IL2RB: variants seen among roughly 807,000 people sequenced by gnomAD.
The protein encoded by IL2RB is interleukin-2 receptor subunit beta.
In IL2RB, 17 loss-of-function variants were observed where a neutral mutation model predicts 44.2. The ratio of observed to expected loss-of-function variants is 0.38; its 90% CI spans 0.26 to 0.58. The LOEUF (loss-of-function observed/expected upper bound fraction) is 0.58, where lower values mean the gene tolerates loss of function less well. Among genes scored for constraint, IL2RB ranks in the 20% least tolerant of loss-of-function variants. The probability of loss-of-function intolerance (pLI) is 0.63; values close to 1 mark genes in which losing one functional copy is unlikely to be tolerated. For missense variants in IL2RB, 624 were observed against 685.5 expected (o/e 0.91, Z 1.00); for synonymous variants, 286 against 297.9 (o/e 0.96, Z 0.41).
At chr22:37,150,368 A>G (rs990897894), upstream of IL2RB, among the ~76,000 whole-genome samples, 1 of 151,030 alleles carries the variant, frequency 6.6e-6, no homozygotes, top group African/African-American at 2.4e-5. Context: ...TCTTTCCGAG[A>G]CTCCCATTTC....
At chr22:37,148,808 G>A (rs1401957120) in intron 1 of IL2RB, among the ~76,000 whole-genome samples, 1 of 152,106 alleles carries the variant, frequency 6.6e-6, no homozygotes, top group Non-Finnish European at 1.5e-5. Flanking sequence ...ACCTGGTCAG[G>A]TGCAGTTCGG....
At chr22:37,169,364 GTTCTGTTTACAGAGGGA>G (rs1314598708) in intron 1 of IL2RB, among the ~76,000 whole-genome samples, 17 of 150,486 alleles carry the variant, frequency 1.1e-4, no homozygotes, top group Admixed American at 7.9e-4. Context: ...TTACACAGGG[GTTCTGTTTACAGAGGGA>G]TTCTGTTTAC....
chr22:37,143,903 G>GTGTT (rs1428966906), intron 2 of IL2RB, among the ~76,000 whole-genome samples, 182 bp downstream of exon 2: 42 of 129,238 alleles, frequency 3.2e-4, no homozygotes, highest in Non-Finnish European at 9.5e-5. Context: ...GTGTGTGTGT[G>GTGTT]TGTGTGTGTG....
At position 37,139,099 on chromosome 22, in the gene IL2RB, C is replaced by T. The variant is rs1263019111; in HGVS notation, c.388+18G>A. On this transcript the variant is annotated intron_variant, in intron 5 of 9. Coordinates refer to ENST00000216223, the MANE Select transcript of IL2RB (RefSeq NM_000878.5). ...GTGCCCAGCCCTGCCCCAGCCCCAC[C>T]CTGGCTTCCTCACTCACGGTTCTCA... The T allele has an allele frequency of 6.4e-7, 1 of 1,552,218 alleles. No homozygotes were observed.
chr22:37,164,897 A>T (rs1378696947), intron 1 of IL2RB, among the ~76,000 whole-genome samples: 1 of 152,130 alleles, frequency 6.6e-6, no homozygotes, highest in African/African-American at 2.4e-5. Flanking sequence ...GACTATGCTG[A>T]AGGCAGTTTC....
chr22:37,145,958 G>A (rs3218264), intron 1 of IL2RB, among the ~76,000 whole-genome samples: 50,109 of 151,814 alleles, frequency 0.33, 8,501 homozygotes, highest in East Asian at 0.48. Context: ...CTCCAGCTCA[G>A]CCCCAAGCCT....
chr22:37,165,681 A>C (rs112439440), intron 1 of IL2RB, among the ~76,000 whole-genome samples: 5,354 of 136,298 alleles, frequency 0.039, 328 homozygotes, highest in African/African-American at 0.16. Flanking sequence ...TTTTTTTAAA[A>C]ATTTAATTTA....
At chr22:37,164,270 T>A (rs1447490772) in intron 1 of IL2RB, among the ~76,000 whole-genome samples, 1 of 151,876 alleles carries the variant, frequency 6.6e-6, no homozygotes, top group East Asian at 1.9e-4. Flanking sequence ...AAGCCAGGCG[T>A]CAGGGCCCAG....
chr22:37,129,810 G>A (rs1207386976), intron 9 of IL2RB, among the ~76,000 whole-genome samples: 1 of 152,230 alleles, frequency 6.6e-6, no homozygotes, highest in Non-Finnish European at 1.5e-5. Flanking sequence ...TCGGGTGGGT[G>A]AGTTTGGGAG....
At chr22:37,142,387 G>T in intron 4 of IL2RB, 47 bp downstream of exon 4, 1 of 1,558,538 alleles carries the variant, frequency 6.4e-7, no homozygotes, top group Non-Finnish European at 8.9e-7. Flanking sequence ...GCCCGGAGCT[G>T]GGAGACCACC....
At chr22:37,142,075 G>A (rs1278063351) in intron 4 of IL2RB, among the ~76,000 whole-genome samples, 1 of 152,176 alleles carries the variant, frequency 6.6e-6, no homozygotes. Flanking sequence ...GCACTGCACT[G>A]CCAAGCCCCC....
chr22:37,165,800 G>C, intron 1 of IL2RB, among the ~76,000 whole-genome samples: 1 of 152,132 alleles, frequency 6.6e-6, no homozygotes, highest in East Asian at 1.9e-4. Flanking sequence ...CAGAGGCGGG[G>C]AGGACACAGG....
chr22:37,137,205 A>G (rs1921752191), intron 6 of IL2RB, among the ~76,000 whole-genome samples: 1 of 152,204 alleles, frequency 6.6e-6, no homozygotes. Flanking sequence ...CAGTTGAGTG[A>G]ATGAAGAAAT....
chr22:37,148,204 G>A (rs918801987), intron 1 of IL2RB, among the ~76,000 whole-genome samples: 12 of 149,504 alleles, frequency 8.0e-5, no homozygotes, highest in South Asian at 2.1e-4. Context: ...AGCGATGCTC[G>A]GAGAGGGCAG....
rs371694691 is a variant in IL2RB at position 37,128,819 on chromosome 22, C to T, written c.933G>A (p.Ser311=). 1.0e-4 allele frequency: 165 copies of T among 1,609,950 alleles called. No homozygotes were observed. Among genetic ancestry groups the T allele is most frequent in the Non-Finnish European group, 1.3e-4 (148 of 1,176,866 alleles). Residue 311 remains serine, a synonymous_variant, in exon 10 of 10, where the codon TCG becomes TCA. Coordinates refer to ENST00000216223, the MANE Select transcript of IL2RB (RefSeq NM_000878.5). This position sits in a 1 kb window ranked among gnomAD's most constrained non-coding sequence, Gnocchi z 4.5. ...QKWLSSPFPS[S]SFSPGGLAPE... ...GTGCCAGGCCGCCAGGGCTGAAGGACGATGAGGGGAAGGGCGAAGAGAGCC... is the reference window on the plus strand; with the variant it reads ...GTGCCAGGCCGCCAGGGCTGAAGGATGATGAGGGGAAGGGCGAAGAGAGCC...
chr22:37,170,234 A>G (rs1270886701), intron 1 of IL2RB, among the ~76,000 whole-genome samples: 1 of 152,196 alleles, frequency 6.6e-6, no homozygotes, highest in African/African-American at 2.4e-5. Flanking sequence ...GGCCCTGAAG[A>G]AAACCAAAGC....
intron 1 of IL2RB, among the ~76,000 whole-genome samples, chr22:37,173,979 A>T (rs1923369611): frequency 6.6e-6 from 1 of 152,142 alleles, no homozygotes; most frequent in Admixed American, 6.5e-5. Flanking sequence ...GTTTTTACGA[A>T]ATGTGAACCA....
intron 1 of IL2RB, among the ~76,000 whole-genome samples, chr22:37,169,680 C>T (rs1344880284): frequency 6.6e-6 from 1 of 152,088 alleles, no homozygotes; most frequent in African/African-American, 2.4e-5. Flanking sequence ...CCCCTCCCTG[C>T]CCTGCATGTG....
At chr22:37,163,752 C>T (rs1922963319) in intron 1 of IL2RB, among the ~76,000 whole-genome samples, 1 of 152,240 alleles carries the variant, frequency 6.6e-6, no homozygotes, top group Non-Finnish European at 1.5e-5. Context: ...GTCTCCACCA[C>T]CCACATGGGC....
Sources: gnomAD v4.1 joint callset for allele counts (sites outside exome capture counted in the v4.1 genomes callset) on GRCh38, gnomAD v4.1.1 for gene constraint, Gnocchi (gnomAD v3.1) non-coding constraint, MANE v1.5 for transcripts, NCBI Gene and HGNC (gene_info 2026-07-23, HGNC 2026-07-21) for gene names.